The following SPIN1 variants were observed in gnomAD, a reference collection of about 807,000 sequenced individuals.
SPIN1 encodes the protein spindlin-1.
In SPIN1, 3 loss-of-function variants were observed where a neutral mutation model predicts 26.0. That is an observed-to-expected ratio of 0.12 (90% CI 0.05 to 0.30). The LOEUF is 0.30. Ranked by LOEUF, SPIN1 falls within the 10% of genes least tolerant of loss-of-function variation. The probability of loss-of-function intolerance (pLI) is 1.00; values close to 1 mark genes in which losing one functional copy is unlikely to be tolerated. For missense variants in SPIN1, 126 were observed against 333.4 expected, an observed-to-expected ratio of 0.38 and a Z score of 4.84; for synonymous variants, 101 against 116.5, an observed-to-expected ratio of 0.87 and a Z score of 0.86.
intron 1 of SPIN1, among the ~76,000 whole-genome samples, chr9:88,400,162 TC>T (rs1827156690): frequency 6.6e-6 from 1 of 152,176 alleles, no homozygotes; most frequent in Non-Finnish European, 1.5e-5. Context: ...TGCCCTGTAA[TC>T]CTTCTTTCTT....
chr9:88,459,875 A>C (rs1392004858), intron 3 of SPIN1, among the ~76,000 whole-genome samples: 7 of 152,186 alleles, frequency 4.6e-5, no homozygotes, highest in Admixed American at 4.6e-4. Flanking sequence ...CTGATGAACA[A>C]ATCCTTGGCT....
chr9:88,397,874 T>G (rs1489138570), intron 1 of SPIN1, among the ~76,000 whole-genome samples: 1 of 151,854 alleles, frequency 6.6e-6, no homozygotes, highest in African/African-American at 2.4e-5. Flanking sequence ...TCTGCCCTCC[T>G]CTGCCTCCCA....
chr9:88,421,013 C>T (rs1031828949), intron 1 of SPIN1, among the ~76,000 whole-genome samples: 3 of 152,158 alleles, frequency 2.0e-5, no homozygotes, highest in East Asian at 1.9e-4. Flanking sequence ...ATTCTAGAAT[C>T]GTAAATAAAG....
chr9:88,447,860 G>A (rs1828282565), intron 2 of SPIN1, among the ~76,000 whole-genome samples: 1 of 152,176 alleles, frequency 6.6e-6, no homozygotes, highest in Non-Finnish European at 1.5e-5. Context: ...TGAGGTCAGG[G>A]CCTATGCAGG....
intron 4 of SPIN1, among the ~76,000 whole-genome samples, chr9:88,464,766 A>G (rs1828629579): frequency 6.6e-6 from 1 of 152,176 alleles, no homozygotes; most frequent in African/African-American, 2.4e-5. Flanking sequence ...GTAAAAAAAC[A>G]TAGCATAAAA....
chr9:88,419,703 C>T (rs1827636312), intron 1 of SPIN1, among the ~76,000 whole-genome samples: 1 of 152,102 alleles, frequency 6.6e-6, no homozygotes, highest in African/African-American at 2.4e-5. Flanking sequence ...CACTAATATT[C>T]TCTTCACCTA....
At chr9:88,467,962 C>T (rs924108696) in intron 4 of SPIN1, among the ~76,000 whole-genome samples, 1 of 151,814 alleles carries the variant, frequency 6.6e-6, no homozygotes, top group Non-Finnish European at 1.5e-5. Context: ...GAACCGTATA[C>T]AGGAACTCTA....
chr9:88,400,161 A>G (rs1271679183), intron 1 of SPIN1, among the ~76,000 whole-genome samples: 1 of 152,036 alleles, frequency 6.6e-6, no homozygotes, highest in African/African-American at 2.4e-5. Context: ...CTGCCCTGTA[A>G]TCCTTCTTTC....
intron 3 of SPIN1, among the ~76,000 whole-genome samples, chr9:88,449,829 TAAG>T (rs1362980386): frequency 6.6e-6 from 1 of 152,142 alleles, no homozygotes; most frequent in East Asian, 1.9e-4. Flanking sequence ...GAGGCACTCT[TAAG>T]AAACATTTTC....
chr9:88,441,422 C>CGT lies in SPIN1; in HGVS notation c.53-7518_53-7517insTG, dbSNP rs1216943347. Among the ~76,000 whole-genome samples the CGT allele has an allele frequency of 3.3e-5, 3 of 90,160 alleles. No homozygotes were observed. In the East Asian group the frequency reaches 7.0e-4, roughly 21 times the overall value. The allele number at this position is 90,160 out of a possible 152,430, so 59.1% of individuals were successfully genotyped here. ...TCGTGTGTGTGTGTGTGTGCGCGCG[C>CGT]GCGCGCCCATGTGTGTGTACATACA... On this transcript the variant is annotated intron_variant, in intron 2 of 5. Coordinates refer to ENST00000375859, the MANE Select transcript of SPIN1 (RefSeq NM_006717.3).
At chr9:88,457,972 TTAAG>T in intron 3 of SPIN1, 2 of 985,422 alleles carry the variant, frequency 2.0e-6, no homozygotes, top group South Asian at 9.4e-5. Context: ...AGGTAAGGTT[TTAAG>T]TTTTTCTTTT....
At chr9:88,464,717 G>A (rs985663120) in intron 4 of SPIN1, among the ~76,000 whole-genome samples, 7 of 152,022 alleles carry the variant, frequency 4.6e-5, no homozygotes, top group South Asian at 2.1e-4. Flanking sequence ...TGGTGAAAGA[G>A]CTATTCAAAG....
intron 4 of SPIN1, among the ~76,000 whole-genome samples, chr9:88,467,268 G>A (rs1040836691): frequency 6.6e-6 from 1 of 152,104 alleles, no homozygotes. Context: ...ACCACATGGG[G>A]TATCTGATTA....
intron 1 of SPIN1, among the ~76,000 whole-genome samples, chr9:88,401,428 C>CGGGGA (rs1051760608): frequency 2.6e-5 from 4 of 152,138 alleles, no homozygotes; most frequent in African/African-American, 9.7e-5. Context: ...CTCCGCCTGC[C>CGGGGA]TCCCCGCCTG....
intron 1 of SPIN1, among the ~76,000 whole-genome samples, chr9:88,416,062 C>A (rs541290748): frequency 1.3e-5 from 2 of 152,004 alleles, no homozygotes; most frequent in South Asian, 2.1e-4. Context: ...AGCCCAAGAA[C>A]GTCTTAATAA....
chr9:88,417,118 C>T (rs889921463), intron 1 of SPIN1, among the ~76,000 whole-genome samples: 2 of 152,176 alleles, frequency 1.3e-5, no homozygotes, highest in African/African-American at 4.8e-5. Flanking sequence ...TAACTACATG[C>T]CATATTTAAG....
At chr9:88,447,506 G>A (rs574212394) in intron 2 of SPIN1, among the ~76,000 whole-genome samples, 1 of 152,276 alleles carries the variant, frequency 6.6e-6, no homozygotes, top group Admixed American at 6.5e-5. Flanking sequence ...CTGAGCTTTT[G>A]TTCCAGGCTT....
chr9:88,458,159 G>A (rs545018766), intron 3 of SPIN1, among the ~76,000 whole-genome samples: 2 of 152,188 alleles, frequency 1.3e-5, no homozygotes, highest in Non-Finnish European at 2.9e-5. Flanking sequence ...TGCGTTAGAA[G>A]CTTTATTTAG....
rs185319758 is a variant in SPIN1 at position 88,411,433 on chromosome 9, G to A, written c.-158-14949G>A. On this transcript the variant is annotated intron_variant, in intron 1 of 5. Coordinates refer to ENST00000375859, the MANE Select transcript of SPIN1 (RefSeq NM_006717.3). ...CAATGAAGAGCTTCCTCAGCTGTTC[G>A]GGCTCTTTAGGAGACTTGTGACTTA... The A allele has an allele frequency of 1.0e-4, 156 of 1,541,398 alleles. 1 individual carries two copies. The African/African-American group carries it at 1.7e-3, about 17-fold the overall frequency.
Sources: allele counts gnomAD v4.1 joint callset (sites outside exome capture counted in the v4.1 genomes callset), GRCh38; gene constraint gnomAD v4.1.1; transcripts MANE v1.5; gene names NCBI Gene and HGNC (gene_info 2026-07-23, HGNC 2026-07-21).